ZNF829: variants seen among roughly 807,000 people sequenced by gnomAD.
ZNF829 encodes zinc finger protein 829.
Under a neutral mutation model 35.2 loss-of-function variants are expected in ZNF829, and 25 were observed. The observed-to-expected ratio is 0.71, with a 90% CI of 0.52 to 0.99. The LOEUF (loss-of-function observed/expected upper bound fraction) is 0.99. Among genes scored for constraint, ZNF829 ranks in the 50% least tolerant of loss-of-function variants. The pLI, the probability that ZNF829 is intolerant of heterozygous loss-of-function variation, is 0.00. For synonymous variants in ZNF829, 136 were observed against 163.2 expected (o/e 0.83, Z 1.27); for missense variants, 417 against 515.3 (o/e 0.81, Z 1.85).
chr19:36,904,316 G>A (rs931770981), intron 5 of ZNF829, among the ~76,000 whole-genome samples: 1 of 152,220 alleles, frequency 6.6e-6, no homozygotes, highest in African/African-American at 2.4e-5. Context: ...ATGAAAGTAA[G>A]AGTTGAAAAT....
At chr19:36,895,093 A>G (rs2073099967) in intron 5 of ZNF829, among the ~76,000 whole-genome samples, 1 of 152,208 alleles carries the variant, frequency 6.6e-6, no homozygotes, top group South Asian at 2.1e-4. Context: ...CAAGTCACAT[A>G]CAAGGGAACC....
intron 3 of ZNF829, among the ~76,000 whole-genome samples, chr19:36,910,154 G>A (rs1393045702): frequency 2.7e-5 from 4 of 150,806 alleles, no homozygotes; most frequent in Non-Finnish European, 4.4e-5. Flanking sequence ...GCACAATCTC[G>A]GCTCACTGCA....
chr19:36,904,436 G>A (rs1013036255), intron 5 of ZNF829, among the ~76,000 whole-genome samples: 2 of 152,118 alleles, frequency 1.3e-5, no homozygotes, highest in Non-Finnish European at 2.9e-5. Context: ...GTCTTGCTCT[G>A]TTGCCCAGGC....
At chr19:36,899,537 A>G (rs2073143795) in intron 5 of ZNF829, among the ~76,000 whole-genome samples, 1 of 151,904 alleles carries the variant, frequency 6.6e-6, no homozygotes, top group Non-Finnish European at 1.5e-5. Flanking sequence ...TAAATATTCA[A>G]AGTGATGGGT....
chr19:36,908,431 A>G lies in ZNF829; in HGVS notation c.125T>C (p.Ile42Thr), dbSNP rs774748866. 1.7e-5 allele frequency: 27 copies of G among 1,611,442 alleles called. No homozygotes were observed. The highest frequency in any genetic ancestry group is 2.7e-5 in the African/African-American group (2 of 74,798). ...KGPVMFRDVS[I>T]DFSQEEWECL... Reference sequence around the variant, plus strand: ...TTCCCATTCCTCTTGAGAGAAGTCTATGGAAACATCCCTGAACATCACCGG... The same window carrying G: ...TTCCCATTCCTCTTGAGAGAAGTCTGTGGAAACATCCCTGAACATCACCGG... The change falls in exon 4 of 6, where the codon ATA becomes ACA. Residue 42 changes from isoleucine (I) to threonine (T), a missense_variant. By Grantham distance (89) the Ile-to-Thr change is moderately conservative. Coordinates refer to ENST00000391711, the MANE Select transcript of ZNF829 (RefSeq NM_001037232.4).
intron 1 of ZNF829, among the ~76,000 whole-genome samples, chr19:36,915,454 AC>A (rs2073309688): frequency 6.6e-6 from 1 of 152,036 alleles, no homozygotes; most frequent in Non-Finnish European, 1.5e-5. Flanking sequence ...AATCGTAGGC[AC>A]CCCACACTGT....
intron 4 of ZNF829, 38 bp downstream of exon 4, chr19:36,908,295 A>G (rs766214744): frequency 1.2e-5 from 19 of 1,588,764 alleles, no homozygotes; most frequent in Admixed American, 3.6e-5. Flanking sequence ...GACACTTCCA[A>G]GGGCACACTC....
intron 3 of ZNF829, among the ~76,000 whole-genome samples, chr19:36,913,729 A>C (rs989522295): frequency 3.3e-5 from 5 of 152,152 alleles, no homozygotes; most frequent in Non-Finnish European, 5.9e-5. Context: ...TGAACTAATA[A>C]TAGATATCCA....
intron 5 of ZNF829, chr19:36,905,943 A>G (rs2073212044): frequency 6.6e-6 from 1 of 152,192 alleles, no homozygotes; most frequent in Non-Finnish European, 1.5e-5. Context: ...TCCTATTTCT[A>G]TTGGGGAAAA....
chr19:36,893,143 T>G (rs1289285450), intron 5 of ZNF829: 1 of 395,328 alleles, frequency 2.5e-6, no homozygotes, highest in Non-Finnish European at 4.5e-6. Flanking sequence ...CGGGGGCGGG[T>G]GGAGTTCAGT....
chr19:36,901,862 C>G (rs933711071), intron 5 of ZNF829: 10 of 750,352 alleles, frequency 1.3e-5, no homozygotes, highest in South Asian at 1.1e-4. Flanking sequence ...CTTCAAGAAG[C>G]GTGCCCCTCG....
chr19:36,910,364 C>G (rs967569853), intron 3 of ZNF829, among the ~76,000 whole-genome samples: 1 of 152,156 alleles, frequency 6.6e-6, no homozygotes, highest in African/African-American at 2.4e-5. Flanking sequence ...GGATGACAGG[C>G]GTGAGCCACC....
Position 36,914,966 on chromosome 19 carries a change from T to G in ZNF829, c.95A>C (p.Lys32Thr). Residue 32 changes from lysine (K) to threonine (T), a missense_variant and splice_region_variant, in exon 3 of 6, where the codon AAG becomes ACG. Physicochemically the swap from Lys to Thr is moderately conservative, Grantham distance 78 (BLOSUM62 -1). Transcript: ENST00000391711. The stretch of plus-strand genomic sequence containing the variant: ...GAAAAAGAGGAAACCCCAACACACC[T>G]TGGATACTGCTTGTAGAAGTTCATC... ...MHDELLQAVS[K>T]GPVMFRDVSI... is the part of the protein sequence containing the mutation. 1 of 1,614,148 alleles carries G rather than the reference T, an allele frequency of 6.2e-7. No individual in the cohort carries two copies.
intron 5 of ZNF829, among the ~76,000 whole-genome samples, chr19:36,900,357 T>TAA (rs112232974): frequency 7.6e-6 from 1 of 132,372 alleles, no homozygotes; most frequent in Non-Finnish European, 1.6e-5. Flanking sequence ...GACTCTGTCT[T>TAA]AAAAAAAAAA....
intron 5 of ZNF829, among the ~76,000 whole-genome samples, chr19:36,902,674 T>TAA (rs891040793): frequency 6.0e-4 from 91 of 150,536 alleles, no homozygotes; most frequent in African/African-American, 2.1e-3. Flanking sequence ...TAAAATAAAA[T>TAA]AATAAAAACT....
chr19:36,892,825 A>T, intron 5 of ZNF829: 1 of 873,232 alleles, frequency 1.1e-6, no homozygotes, highest in Non-Finnish European at 1.5e-6. Context: ...CAGATCCCCC[A>T]CAGGCGCTGC....
In ZNF829 at chr19:36,916,048, G is replaced by A; in HGVS notation, c.-122C>T. 1.0e-6 allele frequency: 1 copy of A among 1,004,730 alleles called. No homozygotes were observed. The highest frequency in any genetic ancestry group is 1.7e-5 in the African/African-American group (1 of 60,410). The allele number at this position is 1,004,730 out of a possible 1,614,324, so 62.2% of individuals were successfully genotyped here. A position where few individuals can be genotyped will look rare whatever the true frequency, so the allele number is the denominator to read the frequency against. ...AGGGTCCCGCCAGGAGTGACGAAACGTTCGAATTCCTGCGAGAAAAGTGGC... is the reference window on the plus strand; with the variant it reads ...AGGGTCCCGCCAGGAGTGACGAAACATTCGAATTCCTGCGAGAAAAGTGGC... On this transcript the variant is annotated 5_prime_UTR_variant, in exon 1 of 6. It adds an upstream start codon to the 5' untranslated region. Coordinates refer to ENST00000391711, the MANE Select transcript of ZNF829 (RefSeq NM_001037232.4). This position sits in a 1 kb window ranked among gnomAD's most constrained non-coding sequence, Gnocchi z 5.3.
chr19:36,911,119 C>A (rs971679952), intron 3 of ZNF829, among the ~76,000 whole-genome samples: 1 of 152,094 alleles, frequency 6.6e-6, no homozygotes, highest in Non-Finnish European at 1.5e-5. Flanking sequence ...AGGAGAGTTA[C>A]GGGAACCTCT....
In ZNF829 at chr19:36,891,449, A is replaced by AATT; in HGVS notation, c.*40_*42dup. 1 of 1,499,186 alleles carries AATT rather than the reference A, an allele frequency of 6.7e-7. No individual in the cohort carries two copies. The highest frequency in any genetic ancestry group is 8.9e-7 in the Non-Finnish European group (1 of 1,125,504). 92.9% of individuals were successfully genotyped at this position (1,499,186 alleles called of 1,614,324 possible). On this transcript the variant is annotated 3_prime_UTR_variant, in exon 6 of 6. Transcript: ENST00000391711. ...TTGTTCTCCTTACCTGTTTTAAAAAAATTATTATAAAGGTTAACAAAATGG... is the reference window on the plus strand; with the variant it reads ...TTGTTCTCCTTACCTGTTTTAAAAAAATTATTATTATAAAGGTTAACAAAATGG...
Sources: allele counts gnomAD v4.1 joint callset (sites outside exome capture counted in the v4.1 genomes callset), GRCh38; gene constraint gnomAD v4.1.1; non-coding constraint Gnocchi (gnomAD v3.1); transcripts MANE v1.5; gene names NCBI Gene and HGNC (gene_info 2026-07-23, HGNC 2026-07-21).